Variants in EYS observed in about 807,000 individuals in gnomAD.
The protein encoded by EYS is protein eyes shut homolog.
In EYS, 250 loss-of-function variants were observed where a neutral mutation model predicts 282.1. That is an observed-to-expected ratio of 0.89 (90% CI 0.80 to 0.98). The LOEUF (loss-of-function observed/expected upper bound fraction) is 0.98. Ranked by LOEUF, EYS falls within the 50% of genes least tolerant of loss-of-function variation. The probability of loss-of-function intolerance (pLI) is 0.00; values close to 1 mark genes in which losing one functional copy is unlikely to be tolerated. For missense variants in EYS, 4,016 were observed against 3,709.0 expected (o/e 1.08, Z -2.15); for synonymous variants, 1,355 against 1,282.9 (o/e 1.06, Z -1.20).
At chr6:65,238,931 A>G (rs998855756) in intron 12 of EYS, among the ~76,000 whole-genome samples, 6 of 152,062 alleles carry the variant, frequency 3.9e-5, no homozygotes, top group Admixed American at 2.6e-4. Flanking sequence ...CAATCATATT[A>G]ATATGCTTAA....
chr6:64,961,848 T>C (rs1248044751), intron 14 of EYS, among the ~76,000 whole-genome samples: 14 of 152,216 alleles, frequency 9.2e-5, no homozygotes, highest in Non-Finnish European at 5.9e-5. Context: ...AGAAAAATAA[T>C]AGGAAATTTG....
chr6:63,727,894 C>A (rs1768681075), intron 41 of EYS, among the ~76,000 whole-genome samples: 1 of 147,428 alleles, frequency 6.8e-6, no homozygotes, highest in South Asian at 2.2e-4. Context: ...CCACTGCACT[C>A]CAGCTTGGGC....
intron 22 of EYS, among the ~76,000 whole-genome samples, chr6:64,777,513 G>C (rs895216652): frequency 6.6e-5 from 10 of 152,088 alleles, no homozygotes; most frequent in African/African-American, 2.4e-4. Flanking sequence ...TGACCAAGAA[G>C]TAATGAACGG....
intron 22 of EYS, among the ~76,000 whole-genome samples, chr6:64,786,230 T>C (rs1260531920): frequency 2.0e-5 from 3 of 147,314 alleles, no homozygotes; most frequent in Non-Finnish European, 4.5e-5. Context: ...GAGGGTTTAA[T>C]AGGCAAAAAG....
chr6:64,412,677 T>C (rs1444992005), intron 28 of EYS: 1 of 152,132 alleles, frequency 6.6e-6, no homozygotes, highest in Admixed American at 6.6e-5. Context: ...ACTGTATTCT[T>C]CTGGTGGAAA....
intron 32 of EYS, among the ~76,000 whole-genome samples, chr6:64,068,900 G>T (rs144250886): frequency 7.9e-5 from 12 of 151,968 alleles, no homozygotes; most frequent in Non-Finnish European, 1.2e-4. Context: ...GAATTAAGGA[G>T]CTTGAAATGG....
chr6:65,274,756 G>C (rs542716946), intron 12 of EYS, among the ~76,000 whole-genome samples: 1 of 152,072 alleles, frequency 6.6e-6, no homozygotes. Flanking sequence ...CAATTGGTAA[G>C]ACATTTACAT....
chr6:65,150,513 A>T (rs1430885475), intron 12 of EYS, among the ~76,000 whole-genome samples: 1 of 151,910 alleles, frequency 6.6e-6, no homozygotes, highest in Non-Finnish European at 1.5e-5. Flanking sequence ...CCAGAATACC[A>T]GTATATTTAT....
chr6:63,919,570 A>G (rs1764513546), intron 35 of EYS, among the ~76,000 whole-genome samples: 1 of 152,206 alleles, frequency 6.6e-6, no homozygotes, highest in African/African-American at 2.4e-5. Flanking sequence ...TTAAACTGTG[A>G]CATAGACTTA....
intron 31 of EYS, among the ~76,000 whole-genome samples, chr6:64,122,499 GGGGAGTGGTTAA>G (rs1170437335): frequency 6.6e-6 from 1 of 152,028 alleles, no homozygotes; most frequent in Non-Finnish European, 1.5e-5. Flanking sequence ...AAAGAGTACT[GGGGAGTGGTTAA>G]GACTATGGAG....
chr6:64,530,556 T>C (rs535078959), intron 26 of EYS, among the ~76,000 whole-genome samples: 1 of 152,164 alleles, frequency 6.6e-6, no homozygotes, highest in African/African-American at 2.4e-5. Context: ...AACTTGGAGA[T>C]TTATAACATG....
At chr6:65,045,774 A>G (rs1049933156) in intron 13 of EYS, among the ~76,000 whole-genome samples, 2 of 151,870 alleles carry the variant, frequency 1.3e-5, no homozygotes, top group Admixed American at 6.6e-5. Flanking sequence ...TAATTGTCCT[A>G]GAGGGTTTGG....
intron 26 of EYS, among the ~76,000 whole-genome samples, chr6:64,520,138 C>T (rs1777685316): frequency 6.6e-6 from 1 of 151,576 alleles, no homozygotes; most frequent in South Asian, 2.1e-4. Flanking sequence ...TTAATGAGAC[C>T]CTATCAAAGA....
At chr6:64,613,231 G>A (rs1767167233) in intron 24 of EYS, among the ~76,000 whole-genome samples, 1 of 152,038 alleles carries the variant, frequency 6.6e-6, no homozygotes, top group South Asian at 2.1e-4. Flanking sequence ...AAGCCTTCTA[G>A]TAACTCTGAA....
Position 64,223,337 on chromosome 6 carries a change from T to C in EYS, c.6424+7255A>G, listed in dbSNP as rs147219794. Among the ~76,000 whole-genome samples, 1,254 of 152,160 alleles carry C rather than the reference T, an allele frequency of 8.2e-3. 14 individuals carry two copies. Among genetic ancestry groups the C allele is most frequent in the African/African-American group, 0.028 (1,177 of 41,564 alleles). The stretch of plus-strand genomic sequence containing the variant: ...ACATGTCTGTCAATTAAAAGGACAA[T>C]TAGTAAATTCATCAAATGTTAAGTT... On this transcript the variant is annotated intron_variant, in intron 31 of 42. Coordinates refer to ENST00000503581, the MANE Select transcript of EYS (RefSeq NM_001142800.2).
rs1444595522 is a variant in EYS at position 65,140,997 on chromosome 6, G to T, written c.2024-83270C>A. Among the ~76,000 whole-genome samples the T allele has an allele frequency of 2.2e-4, 33 of 151,442 alleles. 1 individual carries two copies. Among genetic ancestry groups the T allele is most frequent in the Admixed American group, 5.9e-4 (9 of 15,156 alleles). On this transcript the variant is annotated intron_variant, in intron 12 of 42. Coordinates refer to ENST00000503581, the MANE Select transcript of EYS (RefSeq NM_001142800.2). ...CCCAGCCATCCCATTACTGGGTATA[G>T]ACCCAAAGGACTATAAATCATGCTG...
intron 14 of EYS, among the ~76,000 whole-genome samples, chr6:64,962,774 A>G (rs1182478395): frequency 6.6e-6 from 1 of 152,058 alleles, no homozygotes; most frequent in Non-Finnish European, 1.5e-5. Flanking sequence ...AAAAAAAGAG[A>G]GAGAGAAATA....
intron 33 of EYS, among the ~76,000 whole-genome samples, chr6:64,052,624 T>A (rs1770843909): frequency 6.6e-6 from 1 of 152,198 alleles, no homozygotes; most frequent in South Asian, 2.1e-4. Context: ...ATGTTATGGC[T>A]TGATATGGTT....
chr6:64,780,524 A>C (rs1017632328), intron 22 of EYS, among the ~76,000 whole-genome samples: 2 of 152,108 alleles, frequency 1.3e-5, no homozygotes, highest in Non-Finnish European at 2.9e-5. Context: ...AGAAGGGGAG[A>C]GGGAAGGACG....
Sources: gnomAD v4.1 joint callset for allele counts (sites outside exome capture counted in the v4.1 genomes callset) on GRCh38, gnomAD v4.1.1 for gene constraint, MANE v1.5 for transcripts, NCBI Gene and HGNC (gene_info 2026-07-23, HGNC 2026-07-21) for gene names.